KLHL35: variants seen among roughly 807,000 people sequenced by gnomAD.
KLHL35 encodes the protein kelch-like protein 35.
In KLHL35, 50 loss-of-function variants were observed where a neutral mutation model predicts 44.0. The observed-to-expected ratio is 1.14, with a 90% CI of 0.91 to 1.44. The LOEUF is 1.44. Among genes scored for constraint, KLHL35 ranks in the 40% most tolerant of loss-of-function variants. The probability of loss-of-function intolerance (pLI) is 0.00; values close to 1 mark genes in which losing one functional copy is unlikely to be tolerated. For synonymous variants in KLHL35, 470 were observed against 410.4 expected, an observed-to-expected ratio of 1.15 and a Z score of -1.76; for missense variants, 1,049 against 887.8, an observed-to-expected ratio of 1.18 and a Z score of -2.31.
chr11:75,430,060 G>A lies in KLHL35; in HGVS notation c.570C>T (p.Asp190=). 1 of 1,398,652 alleles carries A rather than the reference G, an allele frequency of 7.1e-7. No homozygotes were observed. The highest frequency in any genetic ancestry group is 9.3e-7 in the Non-Finnish European group (1 of 1,077,630). 86.6% of individuals were successfully genotyped at this position (1,398,652 alleles called of 1,614,324 possible). A position where few individuals can be genotyped will look rare whatever the true frequency, so the allele number is the denominator to read the frequency against. Reference sequence around the variant, plus strand: ...CCTCGTCAGGCGCCAGCTCCAGGAAGTCGGCGTGGCGCGCCACCTCGGCGA... The same window carrying A: ...CCTCGTCAGGCGCCAGCTCCAGGAAATCGGCGTGGCGCGCCACCTCGGCGA... The part of the protein sequence containing the change: ...QAFAEVARHA[D]FLELAPDEVV... The change falls in exon 2 of 7, where the codon GAC becomes GAT. Residue 190 remains aspartate, a synonymous_variant. Coordinates refer to ENST00000539798, the MANE Select transcript of KLHL35 (RefSeq NM_001039548.3).
chr11:75,428,907 C>G (rs1353075551), intron 2 of KLHL35, among the ~76,000 whole-genome samples: 1 of 152,196 alleles, frequency 6.6e-6, no homozygotes, highest in African/African-American at 2.4e-5. Context: ...GAAAAATCAC[C>G]TCGTTTAATC....
chr11:75,423,531 TCTC>T, intron 6 of KLHL35, 158 bp downstream of exon 6: 5 of 667,180 alleles, frequency 7.5e-6, no homozygotes, highest in Non-Finnish European at 1.0e-5. Flanking sequence ...CTAAGGCCAG[TCTC>T]CTCATCTGTG....
Position 75,426,603 on chromosome 11 carries a change from T to G in KLHL35, c.1102A>C (p.Ser368Arg), listed in dbSNP as rs764524462. ...HINSHDVWMFSSHLHTWIKVA... is the reference protein window; with the variant it reads ...HINSHDVWMFRSHLHTWIKVA... ...TTGATCCAGGTGTGCAGATGGGAGC[T>G]AAACATCCACACATCATGACTGTTG... The change falls in exon 4 of 7, where the codon AGC (serine) becomes CGC (arginine). Residue 368 changes from serine to arginine, a missense_variant. Transcript: ENST00000539798. The G allele has an allele frequency of 6.2e-7, 1 of 1,605,716 alleles. No homozygotes were observed. Among genetic ancestry groups the G allele is most frequent in the Non-Finnish European group, 8.5e-7 (1 of 1,177,136 alleles).
In KLHL35 at chr11:75,429,864, C is replaced by T. The variant is rs757965280; in HGVS notation, c.766G>A (p.Val256Met). The change falls in exon 2 of 7, where the codon GTG (valine) becomes ATG (methionine). Residue 256 changes from valine (V) to methionine (M), a missense_variant. By Grantham distance (21) the Val-to-Met change is conservative (BLOSUM62 1). Coordinates refer to ENST00000539798, the MANE Select transcript of KLHL35 (RefSeq NM_001039548.3). The part of the protein sequence containing the change: ...LLAPAYFLEK[V>M]EADELLQACG... ...GCCTGCAGCAGCTCGTCCGCCTCCA[C>T]CTTCTCCAGGAAGTAAGCGGGCGCC... 4 of 1,521,196 alleles carry T rather than the reference C, an allele frequency of 2.6e-6. No individual in the cohort carries two copies. Among genetic ancestry groups the T allele is most frequent in the Non-Finnish European group, 3.5e-6 (4 of 1,144,290 alleles). 94.2% of individuals were successfully genotyped at this position (1,521,196 alleles called of 1,614,324 possible). A position where few individuals can be genotyped will look rare whatever the true frequency, so the allele number is the denominator to read the frequency against.
At chr11:75,431,572 C>G (rs1015542039) in intron 1 of KLHL35, among the ~76,000 whole-genome samples, 1 of 152,184 alleles carries the variant, frequency 6.6e-6, no homozygotes, top group African/African-American at 2.4e-5. Flanking sequence ...GGCCCTCTCT[C>G]TAGTGAGTTC....
chr11:75,430,973 G>A (rs1469716864), intron 1 of KLHL35, among the ~76,000 whole-genome samples: 1 of 152,206 alleles, frequency 6.6e-6, no homozygotes, highest in Admixed American at 6.5e-5. Context: ...TAGGCGTTAG[G>A]GACTCCAGTA....
In KLHL35 at chr11:75,426,614, ACAT is replaced by A. The variant is rs1158864877; in HGVS notation, c.1088_1090del (p.Asp363del). The A allele has an allele frequency of 1.9e-6, 3 of 1,603,248 alleles. No homozygotes were observed. Among genetic ancestry groups the A allele is most frequent in the Non-Finnish European group, 1.7e-6 (2 of 1,176,076 alleles). ...GTGCAGATGGGAGCTAAACATCCACACATCATGACTGTTGATGTGGCCTCCTAG... is the reference window on the plus strand; with the variant it reads ...GTGCAGATGGGAGCTAAACATCCACACATGACTGTTGATGTGGCCTCCTAG... On this transcript the variant is annotated inframe_deletion, in exon 4 of 7. Coordinates refer to ENST00000539798, the MANE Select transcript of KLHL35 (RefSeq NM_001039548.3).
intron 4 of KLHL35, 84 bp from the exon 5 acceptor site, chr11:75,425,665 G>A (rs1292574105): frequency 8.1e-7 from 1 of 1,229,076 alleles, no homozygotes; most frequent in African/African-American, 1.6e-5. Context: ...TACAGTCTTT[G>A]AGCTGGAAAC....
Position 75,429,833 on chromosome 11 carries a change from C to T in KLHL35, c.797G>A (p.Gly266Asp). ...CTCGAGCAGCAGCGGGCGGCACTCG[C>T]CGCAGGCCTGCAGCAGCTCGTCCGC... ...VEADELLQACGECRPLLLEAR... is the reference protein window; with the variant it reads ...VEADELLQACDECRPLLLEAR... Residue 266 changes from glycine (G) to aspartate (D), a missense_variant, in exon 2 of 7, where the codon GGC becomes GAC. By Grantham distance (94) the Gly-to-Asp change is moderately conservative. Coordinates refer to ENST00000539798, the MANE Select transcript of KLHL35 (RefSeq NM_001039548.3). 1 of 1,512,142 alleles carries T rather than the reference C, an allele frequency of 6.6e-7. No homozygotes were observed. Among genetic ancestry groups the T allele is most frequent in the Non-Finnish European group, 8.8e-7 (1 of 1,138,020 alleles). 93.7% of individuals were successfully genotyped at this position (1,512,142 alleles called of 1,614,324 possible). A position where few individuals can be genotyped will look rare whatever the true frequency, so the allele number is the denominator to read the frequency against.
chr11:75,430,743 C>T lies in KLHL35; in HGVS notation c.-1-113G>A, dbSNP rs534199717. 23 of 944,714 alleles carry T rather than the reference C, an allele frequency of 2.4e-5. No individual in the cohort carries two copies. The South Asian group carries it at 6.2e-4, about 26-fold the overall frequency. 58.5% of individuals were successfully genotyped at this position (944,714 alleles called of 1,614,324 possible). On this transcript the variant is annotated intron_variant, in intron 1 of 6. Transcript: ENST00000539798. ...CTTGACCATTTGTTCAGCGACTCTCCCCTCCGTTCAGCATCCAGGTTCCTT... is the reference window on the plus strand; with the variant it reads ...CTTGACCATTTGTTCAGCGACTCTCTCCTCCGTTCAGCATCCAGGTTCCTT...
Position 75,430,228 on chromosome 11 carries a change from G to T in KLHL35, c.402C>A (p.Gly134=). The part of the protein sequence containing the change: ...AAVLALAERL[G]VAGLREACVR... The stretch of plus-strand genomic sequence containing the variant: ...CGCAGGCCTCGCGCAGGCCCGCCAC[G>T]CCCAGCCGCTCCGCCAGCGCCAGCA... The change falls in exon 2 of 7, where the codon GGC becomes GGA. Residue 134 remains glycine, a synonymous_variant. Transcript: ENST00000539798. The T allele has an allele frequency of 8.2e-7, 1 of 1,220,082 alleles. No homozygotes were observed. The highest frequency in any genetic ancestry group is 1.0e-6 in the Non-Finnish European group (1 of 976,850). The allele number at this position is 1,220,082 out of a possible 1,614,324, so 75.6% of individuals were successfully genotyped here. A position where few individuals can be genotyped will look rare whatever the true frequency, so the allele number is the denominator to read the frequency against.
chr11:75,430,194 GA>G lies in KLHL35; in HGVS notation c.435del (p.Leu146SerfsTer11). 1 of 1,240,906 alleles carries G rather than the reference GA, an allele frequency of 8.1e-7. No individual in the cohort carries two copies. Among genetic ancestry groups the G allele is most frequent in the Non-Finnish European group, 1.0e-6 (1 of 989,482 alleles). The allele number at this position is 1,240,906 out of a possible 1,614,324, so 76.9% of individuals were successfully genotyped here. ...TTGGCGGCGCGCAGGCGGCCCTCGA[GA>G]AAGCGCACGCAGGCCTCGCGCAGGC... ...VAGLREACVR[F>X]LEGRLRAANS... On this transcript the variant is annotated frameshift_variant, in exon 2 of 7. Transcript: ENST00000539798. LOFTEE classifies it high-confidence loss of function.
chr11:75,429,677 T>G, intron 2 of KLHL35, 72 bp downstream of exon 2: 1 of 1,376,378 alleles, frequency 7.3e-7, no homozygotes, highest in Non-Finnish European at 9.4e-7. Flanking sequence ...TAAAAGATGA[T>G]GAAAGAATGA....
chr11:75,429,659 G>A, intron 2 of KLHL35, 90 bp downstream of exon 2: 7 of 1,323,688 alleles, frequency 5.3e-6, no homozygotes, highest in Admixed American at 3.8e-5. Flanking sequence ...ATCATCAAGA[G>A]GCAGTACTAA....
At position 75,429,741 on chromosome 11, in the gene KLHL35, G is replaced by T; in HGVS notation, c.881+8C>A. 1 of 1,449,302 alleles carries T rather than the reference G, an allele frequency of 6.9e-7. No homozygotes were observed. Among genetic ancestry groups the T allele is most frequent in the Non-Finnish European group, 9.0e-7 (1 of 1,108,360 alleles). 89.8% of individuals were successfully genotyped at this position (1,449,302 alleles called of 1,614,324 possible). ...GGAGGGCGGGAAGCTAGGGGATGGC[G>T]GCCCTACCTCCGCGGCCGGGTCCGC... On this transcript the variant is annotated splice_region_variant and intron_variant, in intron 2 of 6. Coordinates refer to ENST00000539798, the MANE Select transcript of KLHL35 (RefSeq NM_001039548.3).
At chr11:75,425,185 A>C (rs1948478970) in intron 5 of KLHL35, among the ~76,000 whole-genome samples, 1 of 152,256 alleles carries the variant, frequency 6.6e-6, no homozygotes, top group South Asian at 2.1e-4. Context: ...CAAACATTTG[A>C]GTCCCAGTGT....
chr11:75,428,650 C>T, intron 2 of KLHL35, 24 bp from the exon 3 acceptor site: 2 of 1,539,882 alleles, frequency 1.3e-6, no homozygotes. Context: ...AAGCCCAGTG[C>T]CTGTTGGGCC....
In KLHL35 at chr11:75,429,699, A is replaced by T. The variant is rs575533788; in HGVS notation, c.881+50T>A. ...TGATGAAAGAATGAATGAGCGGTGG[A>T]AGCAGGCGGGAAGAACGGAGGGCGG... On this transcript the variant is annotated intron_variant, in intron 2 of 6. Coordinates refer to ENST00000539798, the MANE Select transcript of KLHL35 (RefSeq NM_001039548.3). The T allele has an allele frequency of 3.0e-4, 420 of 1,408,236 alleles. 1 individual carries two copies. The highest frequency in any genetic ancestry group is 6.3e-5 in the Non-Finnish European group (69 of 1,087,662). 87.2% of individuals were successfully genotyped at this position (1,408,236 alleles called of 1,614,324 possible). A position where few individuals can be genotyped will look rare whatever the true frequency, so the allele number is the denominator to read the frequency against.
chr11:75,430,328 G>A lies in KLHL35; in HGVS notation c.302C>T (p.Ala101Val). Reference sequence around the variant, plus strand: ...GTAGTCGAGCACCACGGCCAGCGCCGCCGCCGCCCCGGCCGGGCTCGTGCC... The same window carrying A: ...GTAGTCGAGCACCACGGCCAGCGCCACCGCCGCCCCGGCCGGGCTCGTGCC... Reference protein sequence around the residue: ...APGTSPAGAAAALAVVLDYVY... With the variant: ...APGTSPAGAAVALAVVLDYVY... Residue 101 changes from alanine (A) to valine (V), a missense_variant, in exon 2 of 7, where the codon GCG becomes GTG. By Grantham distance (64) the Ala-to-Val change is moderately conservative. Transcript: ENST00000539798. The A allele has an allele frequency of 2.4e-6, 3 of 1,269,812 alleles. No individual in the cohort carries two copies. The highest frequency in any genetic ancestry group is 2.2e-5 in the South Asian group (1 of 45,138). 78.7% of individuals were successfully genotyped at this position (1,269,812 alleles called of 1,614,324 possible).
Sources: allele counts gnomAD v4.1 joint callset (sites outside exome capture counted in the v4.1 genomes callset), GRCh38; gene constraint gnomAD v4.1.1; transcripts MANE v1.5; gene names NCBI Gene and HGNC (gene_info 2026-07-23, HGNC 2026-07-21).